Variants in RFC3 observed in about 807,000 individuals in gnomAD.
RFC3 encodes A1 38 kDa subunit.
Under a neutral mutation model 45.1 loss-of-function variants are expected in RFC3, and 41 were observed. That is an observed-to-expected ratio of 0.91 (90% CI 0.71 to 1.18). The LOEUF (loss-of-function observed/expected upper bound fraction) is 1.18, where lower values mean the gene tolerates loss of function less well. Among genes scored for constraint, RFC3 ranks in the 50% most tolerant of loss-of-function variants. The pLI, the probability that RFC3 is intolerant of heterozygous loss-of-function variation, is 0.00. For missense variants in RFC3, 423 were observed against 428.1 expected (o/e 0.99, Z 0.10); for synonymous variants, 149 against 144.0 (o/e 1.03, Z -0.25).
At chr13:33,819,714 G>A (rs3135544) in intron 1 of RFC3, among the ~76,000 whole-genome samples, 33,414 of 151,962 alleles carry the variant, frequency 0.22, 5,717 homozygotes, top group African/African-American at 0.45. Flanking sequence ...ATTTTCTGTG[G>A]CCACATTTTG....
intron 8 of RFC3, among the ~76,000 whole-genome samples, chr13:33,910,182 C>T (rs1335317399): frequency 6.6e-6 from 1 of 152,036 alleles, no homozygotes; most frequent in Non-Finnish European, 1.5e-5. Flanking sequence ...AGCTCCTACT[C>T]GGTTCTGGGC....
intron 8 of RFC3, among the ~76,000 whole-genome samples, chr13:33,923,536 C>G (rs1215885603): frequency 6.6e-6 from 1 of 152,116 alleles, no homozygotes; most frequent in Non-Finnish European, 1.5e-5. Context: ...GCCACATGGT[C>G]ACTTGCAGGA....
chr13:33,820,640 A>G (rs189163063), intron 1 of RFC3, among the ~76,000 whole-genome samples: 2 of 152,336 alleles, frequency 1.3e-5, no homozygotes, highest in South Asian at 4.1e-4. Context: ...AAAGAAACCA[A>G]ATGCACTGAA....
Position 33,825,866 on chromosome 13 carries a change from ACT to A in RFC3, c.375_376del (p.Gln126LysfsTer4), listed in dbSNP as rs758676297. The A allele has an allele frequency of 1.1e-5, 18 of 1,606,924 alleles. No individual in the cohort carries two copies. The highest frequency in any genetic ancestry group is 5.1e-5 in the Admixed American group (3 of 59,112). On this transcript the variant is annotated frameshift_variant, in exon 4 of 9. Transcript: ENST00000380071. LOFTEE classifies it high-confidence loss of function. ...GCACAATCACAACAACTTGAAACAA[ACT>A]CTCAAAGGGATTTTAAAGGTAGGTG...
At position 33,830,031 on chromosome 13, in the gene RFC3, C is replaced by T. The variant is rs2139405892; in HGVS notation, c.573+14C>T. ...AGCATTGAAGATGTAGGTCAAGTTA[C>T]ACTTTTCTGAAAAATAAATCAGTTC... On this transcript the variant is annotated intron_variant, in intron 5 of 8. Transcript: ENST00000380071. The T allele has an allele frequency of 6.2e-7, 1 of 1,607,916 alleles. No individual in the cohort carries two copies. The highest frequency in any genetic ancestry group is 2.2e-5 in the East Asian group (1 of 44,822).
intron 8 of RFC3, among the ~76,000 whole-genome samples, chr13:33,948,536 C>G (rs1209491041): frequency 2.6e-5 from 4 of 152,170 alleles, no homozygotes; most frequent in Non-Finnish European, 5.9e-5. Context: ...CCACTGCCCT[C>G]CAGACCCCAG....
intron 8 of RFC3, among the ~76,000 whole-genome samples, chr13:33,867,680 C>T (rs1487450017): frequency 2.0e-5 from 3 of 152,068 alleles, no homozygotes; most frequent in Middle Eastern, 3.2e-3. Flanking sequence ...ACCAGGGCTG[C>T]GATCTCCCAG....
chr13:33,961,077 T>C (rs1278897014), intron 8 of RFC3, among the ~76,000 whole-genome samples: 1 of 152,078 alleles, frequency 6.6e-6, no homozygotes, highest in Non-Finnish European at 1.5e-5. Context: ...AAATGGGAGG[T>C]ATTTATACTT....
intron 8 of RFC3, among the ~76,000 whole-genome samples, chr13:33,943,175 T>C (rs986066788): frequency 6.6e-6 from 1 of 152,154 alleles, no homozygotes; most frequent in Non-Finnish European, 1.5e-5. Flanking sequence ...AGCCCTGCCT[T>C]AGATTCTGCA....
downstream of RFC3, among the ~76,000 whole-genome samples, chr13:33,967,018 C>T (rs567027338): frequency 2.6e-5 from 4 of 151,890 alleles, no homozygotes; most frequent in Admixed American, 1.3e-4. Context: ...ATTAGCTGGG[C>T]GTGGTGGTGC....
intron 4 of RFC3, among the ~76,000 whole-genome samples, chr13:33,828,397 C>T (rs1335045847): frequency 6.6e-6 from 1 of 152,180 alleles, no homozygotes; most frequent in African/African-American, 2.4e-5. Context: ...GCACCAGCCA[C>T]AGCCACCTGG....
At chr13:33,859,047 T>G (rs1426203714) in intron 8 of RFC3, among the ~76,000 whole-genome samples, 1 of 152,256 alleles carries the variant, frequency 6.6e-6, no homozygotes, top group Non-Finnish European at 1.5e-5. Context: ...CTGTGTTGAC[T>G]GTTTTCACAT....
At chr13:33,896,706 T>G (rs1335286988) in intron 8 of RFC3, among the ~76,000 whole-genome samples, 1 of 114,768 alleles carries the variant, frequency 8.7e-6, no homozygotes, top group African/African-American at 3.5e-5. Flanking sequence ...AGTAAGACTT[T>G]GTCTCAAAAA....
chr13:33,938,211 A>G (rs1241789600), intron 8 of RFC3, among the ~76,000 whole-genome samples: 1 of 146,964 alleles, frequency 6.8e-6, no homozygotes, highest in Non-Finnish European at 1.5e-5. Context: ...AAAAAAAAGT[A>G]AGAGTTGAAA....
intron 8 of RFC3, among the ~76,000 whole-genome samples, chr13:33,943,678 CCT>C (rs1437144285): frequency 6.6e-6 from 1 of 152,106 alleles, no homozygotes; most frequent in Non-Finnish European, 1.5e-5. Flanking sequence ...GGCTTGTAGT[CCT>C]CTTCCAAGTT....
intron 8 of RFC3, among the ~76,000 whole-genome samples, chr13:33,953,987 A>G (rs2083005848): frequency 6.6e-6 from 1 of 152,204 alleles, no homozygotes; most frequent in South Asian, 2.1e-4. Flanking sequence ...ATCTGGGATG[A>G]TGAGAAGACC....
chr13:33,869,286 G>T (rs749426563), intron 8 of RFC3, among the ~76,000 whole-genome samples: 1 of 152,110 alleles, frequency 6.6e-6, no homozygotes, highest in South Asian at 2.1e-4. Context: ...TCCATTGCTT[G>T]TAACCAAGAG....
chr13:33,830,683 T>C, intron 5 of RFC3, 36 bp from the exon 6 acceptor site: 1 of 1,570,056 alleles, frequency 6.4e-7, no homozygotes, highest in Non-Finnish European at 8.7e-7. Flanking sequence ...ATCTGCTTTT[T>C]AATGGATTGC....
chr13:33,918,252 A>T (rs908604924), intron 8 of RFC3, among the ~76,000 whole-genome samples: 6 of 152,150 alleles, frequency 3.9e-5, no homozygotes, highest in African/African-American at 1.4e-4. Flanking sequence ...TGCATGGAAT[A>T]CACACTGTTA....
Sources: allele counts gnomAD v4.1 joint callset (sites outside exome capture counted in the v4.1 genomes callset), GRCh38; gene constraint gnomAD v4.1.1; transcripts MANE v1.5; gene names NCBI Gene and HGNC (gene_info 2026-07-23, HGNC 2026-07-21).